Variants in CYRIB observed in about 807,000 individuals in gnomAD.
The protein encoded by CYRIB is CYFIP-related Rac1 interactor B.
In CYRIB, 8 loss-of-function variants were observed where a neutral mutation model predicts 44.2. That is an observed-to-expected ratio of 0.18 (90% CI 0.11 to 0.33). CYRIB has a LOEUF of 0.33. Among genes scored for constraint, CYRIB ranks in the 10% least tolerant of loss-of-function variants. The pLI is 1.00. For missense variants in CYRIB, 185 were observed against 382.8 expected, an observed-to-expected ratio of 0.48 and a Z score of 4.31; for synonymous variants, 131 against 127.2, an observed-to-expected ratio of 1.03 and a Z score of -0.20.
chr8:129,854,116 T>C, intron 7 of CYRIB, 150 bp downstream of exon 9: 1 of 644,944 alleles, frequency 1.6e-6, no homozygotes, highest in Admixed American at 3.3e-5. Flanking sequence ...TTGTTACAGT[T>C]TGCTTTTCCT....
chr8:129,910,470 T>C (rs915159796), intron 1 of CYRIB, among the ~76,000 whole-genome samples: 19 of 148,662 alleles, frequency 1.3e-4, no homozygotes, highest in Non-Finnish European at 4.4e-5. Context: ...AGTGGTGCCT[T>C]CTTTCACTTT....
intron 2 of CYRIB, among the ~76,000 whole-genome samples, chr8:129,960,649 GAAAAAAA>G (rs746019281): frequency 3.8e-4 from 11 of 29,040 alleles, no homozygotes; most frequent in South Asian, 1.1e-3. Context: ...TCTGTCTCAA[GAAAAAAA>G]AAAAAAAAAA....
chr8:129,925,071 T>C (rs2086674676), intron 1 of CYRIB, among the ~76,000 whole-genome samples: 1 of 152,186 alleles, frequency 6.6e-6, no homozygotes, highest in Non-Finnish European at 1.5e-5. Context: ...GGCAATTATG[T>C]GCTATCAGAG....
chr8:129,903,230 T>C (rs538701121), intron 2 of CYRIB, 82 bp downstream of exon 4: 2 of 152,728 alleles, frequency 1.3e-5, no homozygotes, highest in African/African-American at 2.4e-5. Context: ...CCTTAAATTA[T>C]ATATAGTTAA....
At chr8:129,883,520 T>C (rs2061579114) in intron 2 of CYRIB, among the ~76,000 whole-genome samples, 1 of 152,170 alleles carries the variant, frequency 6.6e-6, no homozygotes. Flanking sequence ...CATTATAACA[T>C]TATCGGTTCT....
chr8:129,941,217 G>A (rs899651770), upstream of CYRIB, among the ~76,000 whole-genome samples: 1 of 151,744 alleles, frequency 6.6e-6, no homozygotes, highest in African/African-American at 2.4e-5. Context: ...GGAGGATTCA[G>A]GGATTCTATA....
chr8:130,009,375 C>T (rs527817698), intron 1 of CYRIB, among the ~76,000 whole-genome samples: 1 of 151,500 alleles, frequency 6.6e-6, no homozygotes, highest in Admixed American at 6.6e-5. Context: ...TCAAGCAATT[C>T]TCCTGCCTCA....
chr8:129,859,567 A>G (rs552113604), intron 5 of CYRIB, among the ~76,000 whole-genome samples: 14 of 152,272 alleles, frequency 9.2e-5, no homozygotes, highest in African/African-American at 3.1e-4. Flanking sequence ...GGCAACGGCC[A>G]TCTTCCCAGA....
chr8:129,854,413 T>A, intron 6 of CYRIB, 70 bp from the exon 9 acceptor site: 1 of 1,138,664 alleles, frequency 8.8e-7, no homozygotes, highest in Non-Finnish European at 1.3e-6. Flanking sequence ...AAGTAAAAAA[T>A]CTTTAGTTTT....
At chr8:129,929,286 AGAGAGGGAGAGG>A (rs376121430) in intron 1 of CYRIB, among the ~76,000 whole-genome samples, 1 of 151,908 alleles carries the variant, frequency 6.6e-6, no homozygotes, top group South Asian at 2.1e-4. Context: ...GGGAGAAGAG[AGAGAGGGAGAGG>A]GAGAGGGAGA....
At chr8:129,908,545 A>G (rs2076562977) in intron 1 of CYRIB, among the ~76,000 whole-genome samples, 1 of 152,188 alleles carries the variant, frequency 6.6e-6, no homozygotes, top group Non-Finnish European at 1.5e-5. Flanking sequence ...GAGCAAAAAT[A>G]AACTCAAAGT....
At chr8:129,902,254 CTG>C (rs1374769432) in intron 2 of CYRIB, among the ~76,000 whole-genome samples, 1 of 152,212 alleles carries the variant, frequency 6.6e-6, no homozygotes, top group Non-Finnish European at 1.5e-5. Flanking sequence ...GAGTCTCACT[CTG>C]TTGCCCAGGC....
intron 1 of CYRIB, among the ~76,000 whole-genome samples, chr8:130,014,162 G>A (rs370097681): frequency 6.6e-6 from 1 of 152,252 alleles, no homozygotes; most frequent in African/African-American, 2.4e-5. Flanking sequence ...AATCTGGGCC[G>A]GGCACAGTGG....
chr8:129,889,262 C>T lies in CYRIB; in HGVS notation c.-10-9791G>A, dbSNP rs181160527. On this transcript the variant is annotated intron_variant, in intron 2 of 11. Coordinates refer to ENST00000519824, the Ensembl canonical transcript of CYRIB. ...CCCTATTCCTCAGAAAAAAAATATT[C>T]GTTTCAATAAATTACTGCTCACTGA... Among the ~76,000 whole-genome samples, 59 of 152,192 alleles carry T rather than the reference C, an allele frequency of 3.9e-4. 1 individual carries two copies. The East Asian group carries it at 0.01, about 26-fold the overall frequency.
chr8:129,884,067 A>C (rs1205286341), intron 2 of CYRIB, among the ~76,000 whole-genome samples: 1 of 152,184 alleles, frequency 6.6e-6, no homozygotes, highest in African/African-American at 2.4e-5. Flanking sequence ...AAGGTCTCAA[A>C]GAGTGTCCTG....
At chr8:129,861,163 C>T (rs1270596114) in intron 5 of CYRIB, among the ~76,000 whole-genome samples, 1 of 152,194 alleles carries the variant, frequency 6.6e-6, no homozygotes, top group Non-Finnish European at 1.5e-5. Flanking sequence ...TTCTGACACA[C>T]ATCTATACTA....
chr8:129,997,807 A>G (rs1406218558), intron 1 of CYRIB, among the ~76,000 whole-genome samples: 1 of 152,126 alleles, frequency 6.6e-6, no homozygotes, highest in East Asian at 1.9e-4. Flanking sequence ...ACTCTGCTCA[A>G]ATTACAAGAG....
chr8:129,896,255 C>T (rs1243963756), intron 2 of CYRIB, among the ~76,000 whole-genome samples: 1 of 152,138 alleles, frequency 6.6e-6, no homozygotes, highest in African/African-American at 2.4e-5. Context: ...AAGGGCATCC[C>T]ATAAAAAGAG....
chr8:129,967,891 G>GTT (rs1260378993), intron 2 of CYRIB, among the ~76,000 whole-genome samples: 1 of 152,172 alleles, frequency 6.6e-6, no homozygotes, highest in Non-Finnish European at 1.5e-5. Flanking sequence ...CTATGTAGAT[G>GTT]TAAGTAGTGC....
Sources: gnomAD v4.1 joint callset for allele counts (sites outside exome capture counted in the v4.1 genomes callset) on GRCh38, gnomAD v4.1.1 for gene constraint, MANE v1.5 for transcripts, NCBI Gene and HGNC (gene_info 2026-07-23, HGNC 2026-07-21) for gene names.